Variants in DYNC1I1 observed in about 807,000 individuals in gnomAD.
DYNC1I1 encodes dynein cytoplasmic 1 intermediate chain 1.
DYNC1I1 carries 43 observed loss-of-function variants against 86.6 expected under a neutral mutation model. The observed-to-expected ratio is 0.50, with a 90% CI of 0.39 to 0.64. The LOEUF is 0.64. DYNC1I1 is among the 30% of genes least tolerant of loss of function. The pLI is 0.00. For synonymous variants in DYNC1I1, 262 were observed against 283.7 expected, an observed-to-expected ratio of 0.92 and a Z score of 0.77; for missense variants, 604 against 788.8, an observed-to-expected ratio of 0.77 and a Z score of 2.81.
chr7:96,039,632 T>C (rs149827521), intron 14 of DYNC1I1, among the ~76,000 whole-genome samples: 1,538 of 152,274 alleles, frequency 0.01, 29 homozygotes, highest in African/African-American at 0.035. Context: ...ATATTCTAAC[T>C]ATAAAAAATT....
chr7:96,080,623 T>C (rs1790486218), intron 16 of DYNC1I1, 135 bp downstream of exon 16: 25 of 1,475,580 alleles, frequency 1.7e-5, no homozygotes, highest in Non-Finnish European at 2.2e-5. Context: ...TTGACTTCAA[T>C]GCTAGTTTGG....
intron 1 of DYNC1I1, among the ~76,000 whole-genome samples, chr7:95,787,629 C>T (rs1794183968): frequency 6.6e-6 from 1 of 152,156 alleles, no homozygotes; most frequent in African/African-American, 2.4e-5. Flanking sequence ...CAAATATTAT[C>T]TACTCTGACC....
At chr7:95,857,735 A>T (rs971597227) in intron 5 of DYNC1I1, among the ~76,000 whole-genome samples, 1 of 152,182 alleles carries the variant, frequency 6.6e-6, no homozygotes, top group Non-Finnish European at 1.5e-5. Flanking sequence ...CGTATTGAAG[A>T]TTCACTCTGA....
At chr7:95,955,471 G>T (rs319342) in intron 6 of DYNC1I1, among the ~76,000 whole-genome samples, 1 of 151,940 alleles carries the variant, frequency 6.6e-6, no homozygotes, top group Admixed American at 6.6e-5. Context: ...ACACTTAGCT[G>T]ATTTTTAATT....
chr7:95,818,377 A>C (rs2618973), intron 4 of DYNC1I1: 294,530 of 487,374 alleles, frequency 0.6, 90,577 homozygotes, highest in African/African-American at 0.76. Context: ...TCTTAGCTCA[A>C]TGAAGCCTCG....
At chr7:95,831,222 T>G (rs1209022390) in intron 5 of DYNC1I1, among the ~76,000 whole-genome samples, 1 of 152,190 alleles carries the variant, frequency 6.6e-6, no homozygotes, top group Non-Finnish European at 1.5e-5. Flanking sequence ...CCATTTTAAT[T>G]TTGACTAATT....
chr7:95,948,166 C>T (rs1199102944), intron 6 of DYNC1I1, among the ~76,000 whole-genome samples: 4 of 152,098 alleles, frequency 2.6e-5, no homozygotes, highest in East Asian at 1.9e-4. Context: ...AGAAGTGTTT[C>T]GAGGGCGTTG....
chr7:96,078,448 AT>A lies in DYNC1I1; in HGVS notation c.1651-1912del, dbSNP rs1790408721. ...ATATATTTTGTCATTTTCTTCATGC[AT>A]TTATGAATTTTCTAGCGCATAATAT... is the stretch of plus-strand genomic sequence containing the variant. On this transcript the variant is annotated intron_variant, in intron 15 of 16. Coordinates refer to ENST00000447467, the MANE Select transcript of DYNC1I1 (RefSeq NM_001135556.2). Among the ~76,000 whole-genome samples the A allele has an allele frequency of 2.6e-5, 4 of 152,136 alleles. No homozygotes were observed. The South Asian group carries it at 8.3e-4, about 31-fold the overall frequency.
intron 6 of DYNC1I1, among the ~76,000 whole-genome samples, chr7:95,976,813 G>T (rs1793315566): frequency 6.6e-6 from 1 of 152,166 alleles, no homozygotes; most frequent in African/African-American, 2.4e-5. Flanking sequence ...TCTAGGAAAG[G>T]CAAGTTGAGA....
Position 95,977,495 on chromosome 7 carries a change from CT to C in DYNC1I1, c.491-16del. 9.3e-6 allele frequency: 15 copies of C among 1,607,966 alleles called. No homozygotes were observed. Among genetic ancestry groups the C allele is most frequent in the Non-Finnish European group, 1.3e-5 (15 of 1,177,386 alleles). On this transcript the variant is annotated splice_polypyrimidine_tract_variant and intron_variant, in intron 6 of 16. Coordinates refer to ENST00000447467, the MANE Select transcript of DYNC1I1 (RefSeq NM_001135556.2). The stretch of plus-strand genomic sequence containing the variant: ...GGAGGAAAGAAAATATTGTATTTTT[CT>C]CTTTCTTTTTTCTAGAGGATGAGGA...
chr7:96,092,223 A>G (rs1178468019), intron 16 of DYNC1I1, among the ~76,000 whole-genome samples: 1 of 152,222 alleles, frequency 6.6e-6, no homozygotes, highest in African/African-American at 2.4e-5. Flanking sequence ...TGAAAAGAAG[A>G]AAGAGAATAT....
At chr7:95,811,267 A>C (rs1396086029) in intron 3 of DYNC1I1, among the ~76,000 whole-genome samples, 1 of 152,118 alleles carries the variant, frequency 6.6e-6, no homozygotes, top group Non-Finnish European at 1.5e-5. Context: ...TTTTCCATAC[A>C]TTTAAGATTA....
intron 10 of DYNC1I1, among the ~76,000 whole-genome samples, chr7:96,027,342 C>T (rs950632916): frequency 6.6e-6 from 1 of 152,146 alleles, no homozygotes; most frequent in Non-Finnish European, 1.5e-5. Context: ...CCGTAGGAAT[C>T]AAAATGGTCT....
At chr7:95,849,539 T>C (rs1789523087) in intron 5 of DYNC1I1, among the ~76,000 whole-genome samples, 1 of 152,118 alleles carries the variant, frequency 6.6e-6, no homozygotes, top group Non-Finnish European at 1.5e-5. Context: ...AATGTGTAGA[T>C]TTATTTGTGG....
At chr7:95,915,489 T>A (rs1280301803) in intron 6 of DYNC1I1, among the ~76,000 whole-genome samples, 4 of 152,244 alleles carry the variant, frequency 2.6e-5, no homozygotes, top group Admixed American at 6.5e-5. Flanking sequence ...GCTATTTTTT[T>A]AAACAATTTA....
intron 2 of DYNC1I1, 35 bp from the exon 3 acceptor site, chr7:95,810,357 T>G (rs1324580081): frequency 1.1e-5 from 17 of 1,536,448 alleles, no homozygotes; most frequent in Non-Finnish European, 1.4e-5. Context: ...CATTTAGTTA[T>G]GTTATTAACT....
chr7:95,778,852 A>G (rs754295730), intron 1 of DYNC1I1, among the ~76,000 whole-genome samples: 1 of 151,674 alleles, frequency 6.6e-6, no homozygotes. Flanking sequence ...TTTCATAGGG[A>G]TGGAGTCTTG....
chr7:95,893,127 A>C (rs796151121), intron 6 of DYNC1I1, among the ~76,000 whole-genome samples: 8 of 152,348 alleles, frequency 5.3e-5, no homozygotes, highest in African/African-American at 1.9e-4. Context: ...GCTACCAAAC[A>C]CAAGCATGTT....
At chr7:96,083,227 C>T (rs1056742580) in intron 16 of DYNC1I1, among the ~76,000 whole-genome samples, 1 of 152,084 alleles carries the variant, frequency 6.6e-6, no homozygotes, top group Admixed American at 6.5e-5. Flanking sequence ...ATATACAAAG[C>T]AATCTATAGC....
Sources: allele counts gnomAD v4.1 joint callset (sites outside exome capture counted in the v4.1 genomes callset), GRCh38; gene constraint gnomAD v4.1.1; transcripts MANE v1.5; gene names NCBI Gene and HGNC (gene_info 2026-07-23, HGNC 2026-07-21).